SMOC1: variants seen among roughly 807,000 people sequenced by gnomAD.
SMOC1 encodes the protein SPARC related modular calcium binding 1, also known as SPARC-related modular calcium-binding protein 1.
SMOC1 carries 22 observed loss-of-function variants against 56.3 expected under a neutral mutation model. The ratio of observed to expected loss-of-function variants is 0.39; its 90% CI spans 0.28 to 0.56. The LOEUF (loss-of-function observed/expected upper bound fraction) is 0.56, where lower values mean the gene tolerates loss of function less well. SMOC1 is among the 20% of genes least tolerant of loss of function. SMOC1 has a pLI of 0.61. For missense variants in SMOC1, 509 were observed against 565.4 expected (o/e 0.90, Z 1.01); for synonymous variants, 193 against 215.0 (o/e 0.90, Z 0.89).
Position 69,892,924 on chromosome 14 carries a change from G to A in SMOC1, c.99+13147G>A, listed in dbSNP as rs552275909. Among the ~76,000 whole-genome samples, 50 of 152,178 alleles carry A rather than the reference G, an allele frequency of 3.3e-4. No individual in the cohort carries two copies. The East Asian group carries it at 9.3e-3, about 28-fold the overall frequency. On this transcript the variant is annotated intron_variant, in intron 1 of 11. Transcript: ENST00000361956. ...ATGCTATTCTGTTTCTTCGAATCAA[G>A]GTCCAAATAAGGTCCACATATTGCA...
chr14:69,879,539 T>C lies in SMOC1; in HGVS notation c.-140T>C, dbSNP rs1443342992. 5.2e-6 allele frequency: 3 copies of C among 576,500 alleles called. No homozygotes were observed. Among genetic ancestry groups the C allele is most frequent in the Non-Finnish European group, 8.1e-6 (3 of 372,362 alleles). The allele number at this position is 576,500 out of a possible 1,614,324, so 35.7% of individuals were successfully genotyped here. On this transcript the variant is annotated 5_prime_UTR_variant, in exon 1 of 12. Transcript: ENST00000361956. ...GACTGTGTCCCCTGACCGCAGCCTC[T>C]GCGAGCCCCCGCCGCAGGACCACGG...
intron 4 of SMOC1, 52 bp from the exon 5 acceptor site, chr14:69,977,866 C>G (rs1163941939): frequency 1.3e-6 from 2 of 1,534,814 alleles, no homozygotes; most frequent in Non-Finnish European, 1.8e-6. Flanking sequence ...AGAAAGAAAC[C>G]AACCACAATG....
intron 1 of SMOC1, chr14:69,885,714 C>G (rs1296424830): frequency 4.8e-6 from 7 of 1,450,800 alleles, no homozygotes; most frequent in Middle Eastern, 2.4e-4. Flanking sequence ...AAGGTGGTGA[C>G]AGTGTTAACT....
chr14:69,888,455 G>C (rs188934306), intron 1 of SMOC1, among the ~76,000 whole-genome samples: 1 of 152,246 alleles, frequency 6.6e-6, no homozygotes, highest in East Asian at 1.9e-4. Context: ...GTCAGAATGG[G>C]GCAGCCTCTC....
chr14:69,964,738 T>C (rs12885374), intron 3 of SMOC1, among the ~76,000 whole-genome samples: 39,070 of 152,072 alleles, frequency 0.26, 5,403 homozygotes, highest in East Asian at 0.39. Context: ...CAGGCTGTTT[T>C]ATATTTGCCT....
intron 3 of SMOC1, among the ~76,000 whole-genome samples, chr14:69,969,360 C>A (rs1254198368): frequency 1.3e-5 from 2 of 152,120 alleles, no homozygotes; most frequent in African/African-American, 4.8e-5. Flanking sequence ...ATGCTGGCAT[C>A]TACTCCGCTT....
intron 1 of SMOC1, among the ~76,000 whole-genome samples, chr14:69,930,357 T>C (rs1382400907): frequency 6.6e-6 from 1 of 152,170 alleles, no homozygotes; most frequent in Non-Finnish European, 1.5e-5. Context: ...GCACTTGCGA[T>C]GTGCCAAAAA....
chr14:69,928,780 T>G (rs1241618993), intron 1 of SMOC1, among the ~76,000 whole-genome samples: 1 of 152,196 alleles, frequency 6.6e-6, no homozygotes, highest in Non-Finnish European at 1.5e-5. Flanking sequence ...GTTATTAATA[T>G]TATATATCTT....
intron 10 of SMOC1, among the ~76,000 whole-genome samples, chr14:70,022,621 T>C (rs768495317): frequency 6.6e-6 from 1 of 152,266 alleles, no homozygotes; most frequent in Non-Finnish European, 1.5e-5. Context: ...CCAGCAGTGA[T>C]GGACCGTGGG....
intron 3 of SMOC1, among the ~76,000 whole-genome samples, chr14:69,957,300 G>T (rs1883222861): frequency 6.6e-6 from 1 of 152,192 alleles, no homozygotes; most frequent in Admixed American, 6.5e-5. Flanking sequence ...AGTGCTATCA[G>T]GTGCTAGGCC....
At chr14:70,012,002 C>T (rs1885357754) in intron 9 of SMOC1, among the ~76,000 whole-genome samples, 1 of 152,200 alleles carries the variant, frequency 6.6e-6, no homozygotes, top group African/African-American at 2.4e-5. Context: ...TGGAGTGTGA[C>T]ACAAGACACA....
At chr14:70,024,216 C>T (rs1215326286) in intron 11 of SMOC1, among the ~76,000 whole-genome samples, 1 of 152,122 alleles carries the variant, frequency 6.6e-6, no homozygotes, top group Non-Finnish European at 1.5e-5. Context: ...TGGTGAACAC[C>T]TAGTAAGCTC....
chr14:69,992,465 A>G lies in SMOC1; in HGVS notation c.575A>G (p.Asp192Gly), dbSNP rs1262576547. 3.1e-6 allele frequency: 5 copies of G among 1,613,240 alleles called. No individual in the cohort carries two copies. In the African/African-American group the frequency reaches 5.3e-5, roughly 17 times the overall value. Residue 192 changes from aspartate to glycine, a missense_variant, in exon 6 of 12, where the codon GAT becomes GGT. By Grantham distance (94) the Asp-to-Gly change is moderately conservative. Coordinates refer to ENST00000361956, the MANE Select transcript of SMOC1 (RefSeq NM_001034852.3). ...TPTMETQPVF[D>G]GDEITAPTLW... ...ACGATGGAGACCCAGCCGGTGTTCG[A>G]TGGAGATGGTAAGATCTTGCATTAC...
chr14:69,983,556 G>A (rs1884256768), intron 5 of SMOC1, among the ~76,000 whole-genome samples: 1 of 152,242 alleles, frequency 6.6e-6, no homozygotes, highest in African/African-American at 2.4e-5. Context: ...GGGAAGGCAG[G>A]TGGCCCCTCC....
chr14:69,915,029 G>T (rs1227926120), intron 1 of SMOC1, among the ~76,000 whole-genome samples: 2 of 152,074 alleles, frequency 1.3e-5, no homozygotes, highest in South Asian at 2.1e-4. Context: ...ACCACGCCCG[G>T]CTAATTTTTT....
chr14:69,957,815 C>T (rs1013642374), intron 3 of SMOC1, among the ~76,000 whole-genome samples: 10 of 152,166 alleles, frequency 6.6e-5, no homozygotes, highest in East Asian at 1.9e-4. Flanking sequence ...CAAATCCCCA[C>T]GCACAGTATC....
chr14:69,902,263 TGA>T (rs914661393), intron 1 of SMOC1, among the ~76,000 whole-genome samples: 2 of 152,206 alleles, frequency 1.3e-5, no homozygotes, highest in African/African-American at 2.4e-5. Context: ...AAAAGAAAGC[TGA>T]GAGAGGAAAG....
chr14:69,900,636 C>T (rs1036588034), intron 1 of SMOC1, among the ~76,000 whole-genome samples: 2 of 152,226 alleles, frequency 1.3e-5, no homozygotes, highest in Admixed American at 1.3e-4. Context: ...GAGATGCTTA[C>T]TTCAGGCAGC....
At chr14:69,953,377 C>T (rs376015806) in intron 2 of SMOC1, 43 bp from the exon 3 acceptor site, 81 of 1,586,728 alleles carry the variant, frequency 5.1e-5, no homozygotes, top group Middle Eastern at 1.7e-4. Context: ...GCCCCAGTGT[C>T]GAATCCAAGT....
Sources: allele counts gnomAD v4.1 joint callset (sites outside exome capture counted in the v4.1 genomes callset), GRCh38; gene constraint gnomAD v4.1.1; transcripts MANE v1.5; gene names NCBI Gene and HGNC (gene_info 2026-07-23, HGNC 2026-07-21).